Variants in PTPRN2 observed in about 807,000 individuals in gnomAD.
PTPRN2 encodes protein tyrosine phosphatase receptor type N2.
Under a neutral mutation model 118.8 loss-of-function variants are expected in PTPRN2, and 74 were observed. That is an observed-to-expected ratio of 0.62 (90% CI 0.52 to 0.76). The LOEUF (loss-of-function observed/expected upper bound fraction) is 0.76. PTPRN2 is among the 30% of genes least tolerant of loss of function. PTPRN2 has a pLI of 0.00. For missense variants in PTPRN2, 1,481 were observed against 1,394.4 expected, an observed-to-expected ratio of 1.06 and a Z score of -0.99; for synonymous variants, 641 against 608.0, an observed-to-expected ratio of 1.05 and a Z score of -0.80.
At chr7:158,270,148 G>A (rs887080611) in intron 3 of PTPRN2, among the ~76,000 whole-genome samples, 4 of 152,184 alleles carry the variant, frequency 2.6e-5, no homozygotes, top group Admixed American at 6.5e-5. Flanking sequence ...CAGGACAGAC[G>A]CCCCACAGCA....
chr7:158,161,188 C>A (rs1161151042), intron 6 of PTPRN2, among the ~76,000 whole-genome samples: 1 of 152,150 alleles, frequency 6.6e-6, no homozygotes, highest in Admixed American at 6.5e-5. Flanking sequence ...GTCAAAATCC[C>A]AGCAAGTCAT....
At chr7:157,643,047 A>G (rs1311633464) in intron 14 of PTPRN2, among the ~76,000 whole-genome samples, 2 of 152,198 alleles carry the variant, frequency 1.3e-5, no homozygotes, top group African/African-American at 4.8e-5. Flanking sequence ...TGATGGGGCT[A>G]TGGCAGGATA....
intron 11 of PTPRN2, among the ~76,000 whole-genome samples, chr7:157,911,647 T>C (rs1257897702): frequency 6.6e-6 from 1 of 152,218 alleles, no homozygotes; most frequent in East Asian, 1.9e-4. Flanking sequence ...ACATCCAGGA[T>C]ACCTGACACT....
At chr7:157,824,550 C>G (rs989004445) in intron 12 of PTPRN2, among the ~76,000 whole-genome samples, 1 of 152,194 alleles carries the variant, frequency 6.6e-6, no homozygotes, top group African/African-American at 2.4e-5. Flanking sequence ...CACAGGCCCC[C>G]GGAAGAACTC....
chr7:157,634,744 G>T (rs1424595597), intron 14 of PTPRN2, among the ~76,000 whole-genome samples: 1 of 152,214 alleles, frequency 6.6e-6, no homozygotes, highest in Non-Finnish European at 1.5e-5. Context: ...TTCTGTGAAA[G>T]ATTCACAGGC....
chr7:157,922,910 T>TGCCACCAGTG (rs1798767509), intron 11 of PTPRN2, among the ~76,000 whole-genome samples: 1 of 152,276 alleles, frequency 6.6e-6, no homozygotes, highest in African/African-American at 2.4e-5. Flanking sequence ...TTACAAATGA[T>TGCCACCAGTG]GCCACCAGTG....
Position 158,167,066 on chromosome 7 carries a change from C to A in PTPRN2, c.775G>T (p.Gly259Trp). 6.3e-7 allele frequency: 1 copy of A among 1,591,744 alleles called. No homozygotes were observed. The highest frequency in any genetic ancestry group is 8.6e-7 in the Non-Finnish European group (1 of 1,167,690). The change falls in exon 6 of 23, where the codon GGG becomes TGG. Residue 259 changes from glycine (G) to tryptophan (W), a missense_variant. Physicochemically the swap from Gly to Trp is radical, Grantham distance 184 (BLOSUM62 -2). This residue lies in a region of PTPRN2 where 1,115 missense variants were observed against 994.2 expected (regional missense o/e 1.12). Transcript: ENST00000389418. ...YAAQRPPAPP[G>W]EGSLEPQYLL... The stretch of plus-strand genomic sequence containing the variant: ...TACTGTGGCTCCAGGCTGCCCTCCC[C>A]GGGGGGAGCTGGGGGCCTCTGGGCA...
intron 11 of PTPRN2, among the ~76,000 whole-genome samples, chr7:157,982,301 C>CT (rs1377501603): frequency 2.3e-5 from 1 of 43,072 alleles, no homozygotes; most frequent in Non-Finnish European, 5.0e-5. Context: ...CAGGGTCCCC[C>CT]CAAACCCTGA....
intron 2 of PTPRN2, among the ~76,000 whole-genome samples, chr7:158,327,888 A>G (rs1803784076): frequency 1.3e-5 from 2 of 152,118 alleles, no homozygotes. Context: ...GGGCTTCTCA[A>G]AGCAGCACCA....
At chr7:157,853,217 GA>G (rs1306009726) in intron 12 of PTPRN2, among the ~76,000 whole-genome samples, 5 of 152,180 alleles carry the variant, frequency 3.3e-5, no homozygotes, top group Non-Finnish European at 7.3e-5. Context: ...ATGTAGTCAT[GA>G]GGGGCATGAG....
chr7:157,889,579 G>A (rs988000979), intron 12 of PTPRN2, among the ~76,000 whole-genome samples: 4 of 152,198 alleles, frequency 2.6e-5, no homozygotes, highest in African/African-American at 4.8e-5. Context: ...TACATGTTAA[G>A]TCTCCATGCC....
chr7:158,216,693 C>A (rs941811925), intron 3 of PTPRN2, among the ~76,000 whole-genome samples: 1 of 151,880 alleles, frequency 6.6e-6, no homozygotes, highest in Non-Finnish European at 1.5e-5. Context: ...ATAGATAGAG[C>A]AACTAAACAA....
At chr7:158,001,619 A>G (rs988207931) in intron 11 of PTPRN2, among the ~76,000 whole-genome samples, 1 of 152,088 alleles carries the variant, frequency 6.6e-6, no homozygotes, top group African/African-American at 2.4e-5. Flanking sequence ...AGACGCAGGC[A>G]GTGTAGTAGA....
chr7:157,710,211 G>C (rs916939317), intron 12 of PTPRN2, among the ~76,000 whole-genome samples: 3 of 152,244 alleles, frequency 2.0e-5, no homozygotes, highest in African/African-American at 7.2e-5. Context: ...GCGTCCATTC[G>C]ATCCCCTTGG....
intron 2 of PTPRN2, among the ~76,000 whole-genome samples, chr7:158,454,367 C>T (rs1818311036): frequency 6.6e-6 from 1 of 150,760 alleles, no homozygotes; most frequent in Non-Finnish European, 1.5e-5. Context: ...CAAGACACAA[C>T]ACACACAATC....
rs186710502 is a variant in PTPRN2 at position 158,420,907 on chromosome 7, G to A, written c.163+68828C>T. Among the ~76,000 whole-genome samples, 1,311 of 152,310 alleles carry A rather than the reference G, an allele frequency of 8.6e-3. 20 individuals are homozygous for A. Among genetic ancestry groups the A allele is most frequent in the African/African-American group, 0.029 (1,222 of 41,556 alleles). Reference sequence around the variant, plus strand: ...GTTGCATGAGGGGCAGGTCACAGGCGGTTGTGGCTTACAGACGCCCTGGGT... The same window carrying A: ...GTTGCATGAGGGGCAGGTCACAGGCAGTTGTGGCTTACAGACGCCCTGGGT... On this transcript the variant is annotated intron_variant, in intron 2 of 22. Transcript: ENST00000389418.
intron 3 of PTPRN2, among the ~76,000 whole-genome samples, chr7:158,300,498 C>T (rs1296471209): frequency 1.1e-5 from 1 of 90,956 alleles, no homozygotes; most frequent in Non-Finnish European, 2.4e-5. Flanking sequence ...GTGAGACATC[C>T]CATGAGGCGA....
chr7:158,399,022 G>A (rs776119483), intron 2 of PTPRN2, among the ~76,000 whole-genome samples: 2 of 152,058 alleles, frequency 1.3e-5, no homozygotes, highest in Non-Finnish European at 2.9e-5. Flanking sequence ...TATTTGCTTA[G>A]TGTCCACAGT....
At chr7:157,934,460 A>G (rs1010440450) in intron 11 of PTPRN2, among the ~76,000 whole-genome samples, 13 of 152,228 alleles carry the variant, frequency 8.5e-5, no homozygotes, top group Non-Finnish European at 1.6e-4. Flanking sequence ...CTGAACCAGT[A>G]TGAGTCAACT....
Sources: gnomAD v4.1 joint callset for allele counts (sites outside exome capture counted in the v4.1 genomes callset) on GRCh38, gnomAD v4.1.1 for gene constraint, gnomAD v4.1.1 regional missense constraint, MANE v1.5 for transcripts, NCBI Gene and HGNC (gene_info 2026-07-23, HGNC 2026-07-21) for gene names.